CA5A: variants seen among roughly 807,000 people sequenced by gnomAD.
The protein encoded by CA5A is carbonic anhydrase 5A, also known as carbonic anhydrase 5A, mitochondrial.
In CA5A, 28 loss-of-function variants were observed where a neutral mutation model predicts 37.1. That is an observed-to-expected ratio of 0.75 (90% CI 0.56 to 1.03). The LOEUF is 1.03. Among genes scored for constraint, CA5A ranks in the 50% least tolerant of loss-of-function variants. CA5A has a pLI of 0.00. For missense variants in CA5A, 444 were observed against 399.9 expected (o/e 1.11, Z -0.94); for synonymous variants, 171 against 158.4 (o/e 1.08, Z -0.60).
At position 87,891,808 on chromosome 16, in the gene CA5A, G is replaced by A; in HGVS notation, c.765C>T (p.Ala255=). 1 of 1,529,652 alleles carries A rather than the reference G, an allele frequency of 6.5e-7. No individual in the cohort carries two copies. Among genetic ancestry groups the A allele is most frequent in the Non-Finnish European group, 8.8e-7 (1 of 1,142,128 alleles). 94.8% of individuals were successfully genotyped at this position (1,529,652 alleles called of 1,614,324 possible). A position where few individuals can be genotyped will look rare whatever the true frequency, so the allele number is the denominator to read the frequency against. The change falls in exon 6 of 7, where the codon GCC becomes GCT. Residue 255 remains alanine, a synonymous_variant. Transcript: ENST00000649794. The part of the protein sequence containing the change: ...WIIQKEPVEV[A]PSQLSAFRTL... ...TACGGGCACGGCTCACCTGGCTTGG[G>A]GCCACTTCAACGGGCTCCTTCTGGA...
chr16:87,929,516 T>G (rs892187278), intron 1 of CA5A, among the ~76,000 whole-genome samples: 1 of 151,482 alleles, frequency 6.6e-6, no homozygotes, highest in Non-Finnish European at 1.5e-5. Flanking sequence ...GGTCAAATGG[T>G]TAGCGCATTG....
chr16:87,892,002 G>T, intron 5 of CA5A, 48 bp from the exon 6 acceptor site: 1 of 1,470,952 alleles, frequency 6.8e-7, no homozygotes, highest in South Asian at 1.4e-5. Context: ...GGGGAGACTA[G>T]GAGCTTCCAT....
At chr16:87,897,072 G>A (rs71392320) in intron 5 of CA5A, among the ~76,000 whole-genome samples, 2,075 of 152,368 alleles carry the variant, frequency 0.014, 30 homozygotes, top group Admixed American at 0.021. Flanking sequence ...GTGTGGTGGC[G>A]GTAATGGGCT....
At chr16:87,913,055 C>G (rs977908286) in intron 2 of CA5A, among the ~76,000 whole-genome samples, 2 of 151,490 alleles carry the variant, frequency 1.3e-5, no homozygotes, top group African/African-American at 4.8e-5. Context: ...ACAATCTTGG[C>G]TCACTGCAGC....
At position 87,915,689 on chromosome 16, in the gene CA5A, C is replaced by CAA. The variant is rs10593708; in HGVS notation, c.341-10787_341-10786dup. On this transcript the variant is annotated intron_variant, in intron 2 of 6. Transcript: ENST00000649794. The stretch of plus-strand genomic sequence containing the variant: ...GGGCGACAGAGCAAGATCCTGTCTC[C>CAA]AAAAAAAAAAAAAAAAAAAAAAAAA... Among the ~76,000 whole-genome samples the CAA allele has an allele frequency of 4.3e-4, 36 of 83,586 alleles. No homozygotes were observed. In the East Asian group the frequency reaches 5.9e-3, roughly 14 times the overall value. The allele number at this position is 83,586 out of a possible 152,430, so 54.8% of individuals were successfully genotyped here.
rs371422795 is a variant in CA5A at position 87,901,271 on chromosome 16, T to C, written c.618+641A>G. Among the ~76,000 whole-genome samples the C allele has an allele frequency of 7.2e-5, 11 of 152,224 alleles. No individual in the cohort carries two copies. In the East Asian group the frequency reaches 1.5e-3, roughly 21 times the overall value. ...GAAAAGAAAAATATTCAGTAGAAAG[T>C]TGTCCCATTGGCAGGCAGATATGTC... On this transcript the variant is annotated intron_variant, in intron 5 of 6. Coordinates refer to ENST00000649794, the MANE Select transcript of CA5A (RefSeq NM_001739.2).
intron 2 of CA5A, chr16:87,923,538 G>C: frequency 1.0e-6 from 1 of 985,016 alleles, no homozygotes; most frequent in Non-Finnish European, 1.2e-6. Flanking sequence ...CCTTCTAGGA[G>C]TAGTATCAGG....
In CA5A at chr16:87,900,143, T is replaced by C. The variant is rs188157402; in HGVS notation, c.618+1769A>G. 7.7e-3 allele frequency among the ~76,000 whole-genome samples: 1,177 copies of C among 152,092 alleles called. 11 individuals are homozygous for C. The highest frequency in any genetic ancestry group is 0.014 in the Admixed American group (208 of 15,274). ...CCTTCCCCGGGAGGAAAACAGCCCT[T>C]GGGTAAAGGGTCCTTCACAATCAGC... is the stretch of plus-strand genomic sequence containing the variant. On this transcript the variant is annotated intron_variant, in intron 5 of 6. Coordinates refer to ENST00000649794, the MANE Select transcript of CA5A (RefSeq NM_001739.2).
chr16:87,915,430 G>A (rs1042933643), intron 2 of CA5A, among the ~76,000 whole-genome samples: 2 of 152,024 alleles, frequency 1.3e-5, no homozygotes, highest in African/African-American at 4.8e-5. Flanking sequence ...AGCTACTTGG[G>A]AGGCTAAGGT....
At chr16:87,900,561 G>A (rs2055864368) in intron 5 of CA5A, among the ~76,000 whole-genome samples, 1 of 152,246 alleles carries the variant, frequency 6.6e-6, no homozygotes, top group Non-Finnish European at 1.5e-5. Flanking sequence ...TCTTTTGTAT[G>A]CTGCTGAATA....
chr16:87,911,763 G>T lies in CA5A; in HGVS notation c.341-6859C>A, dbSNP rs1426847167. ...ATCACATATTGGCACTGGTTTGAAA[G>T]CCAGGCAAATGTGGGCTCCAATCCT... On this transcript the variant is annotated intron_variant, in intron 2 of 6. Coordinates refer to ENST00000649794, the MANE Select transcript of CA5A (RefSeq NM_001739.2). This position sits in a 1 kb window ranked among gnomAD's most constrained non-coding sequence, Gnocchi z 4.6. Among the ~76,000 whole-genome samples, 1 of 152,184 alleles carries T rather than the reference G, an allele frequency of 6.6e-6. No homozygotes were observed. The highest frequency in any genetic ancestry group is 2.4e-5 in the African/African-American group (1 of 41,444).
intron 3 of CA5A, among the ~76,000 whole-genome samples, chr16:87,904,386 AAAG>A (rs1238850631): frequency 6.6e-6 from 1 of 152,096 alleles, no homozygotes; most frequent in Non-Finnish European, 1.5e-5. Flanking sequence ...CAAACAAACA[AAAG>A]AAGATGATCT....
intron 2 of CA5A, among the ~76,000 whole-genome samples, chr16:87,908,340 G>C (rs5024558): frequency 9.2e-5 from 14 of 152,310 alleles, no homozygotes; most frequent in African/African-American, 3.4e-4. Flanking sequence ...AGACAAGGCA[G>C]GAGGCATTTT....
Position 87,890,937 on chromosome 16 carries a change from G to A in CA5A, c.774+862C>T, listed in dbSNP as rs1353627155. Among the ~76,000 whole-genome samples the A allele has an allele frequency of 7.2e-5, 11 of 152,038 alleles. No individual in the cohort carries two copies. In the South Asian group the frequency reaches 1.9e-3, roughly 26 times the overall value. On this transcript the variant is annotated intron_variant, in intron 6 of 6. Coordinates refer to ENST00000649794, the MANE Select transcript of CA5A (RefSeq NM_001739.2). ...AGCCTCCCAAGTAGCTGATATTACA[G>A]GCATGCACCACCACGCCTGGCTAAT... is the stretch of plus-strand genomic sequence containing the variant.
At chr16:87,928,136 G>A (rs777360487) in intron 1 of CA5A, among the ~76,000 whole-genome samples, 7 of 152,068 alleles carry the variant, frequency 4.6e-5, no homozygotes, top group Non-Finnish European at 1.0e-4. Context: ...CACCTTCACA[G>A]GCCTGAGCTA....
intron 2 of CA5A, among the ~76,000 whole-genome samples, chr16:87,917,660 C>T (rs1020512623): frequency 5.8e-5 from 6 of 103,488 alleles, no homozygotes. Context: ...CACACGTGCA[C>T]ATAGAGACAC....
intron 4 of CA5A, chr16:87,881,956 A>C (rs2055611302): frequency 6.6e-6 from 1 of 152,186 alleles, no homozygotes; most frequent in South Asian, 2.1e-4. Context: ...GTTGATACGG[A>C]AAATGAAGGT....
At chr16:87,933,268 C>A (rs150912121) in intron 1 of CA5A, among the ~76,000 whole-genome samples, 1 of 152,366 alleles carries the variant, frequency 6.6e-6, no homozygotes, top group African/African-American at 2.4e-5. Flanking sequence ...AATACTTTCA[C>A]CATGGCCAAT....
At chr16:87,906,472 C>T (rs910058763) in intron 2 of CA5A, among the ~76,000 whole-genome samples, 6 of 151,946 alleles carry the variant, frequency 3.9e-5, no homozygotes, top group Non-Finnish European at 7.4e-5. Context: ...ACTGAAAATA[C>T]AAAAATTAGC....
Sources: allele counts gnomAD v4.1 joint callset (sites outside exome capture counted in the v4.1 genomes callset), GRCh38; gene constraint gnomAD v4.1.1; non-coding constraint Gnocchi (gnomAD v3.1); transcripts MANE v1.5; gene names NCBI Gene and HGNC (gene_info 2026-07-23, HGNC 2026-07-21).